NAV1: variants seen among roughly 807,000 people sequenced by gnomAD.
NAV1 encodes pore membrane and/or filament interacting like protein 3.
In NAV1, 18 loss-of-function variants were observed where a neutral mutation model predicts 175.2. That is an observed-to-expected ratio of 0.10 (90% confidence interval 0.07 to 0.15). The LOEUF (loss-of-function observed/expected upper bound fraction) is 0.15. Ranked by LOEUF, NAV1 falls within the 10% of genes least tolerant of loss-of-function variation. The pLI, the probability that NAV1 is intolerant of heterozygous loss-of-function variation, is 1.00. For missense variants in NAV1, 1,731 were observed against 2,436.6 expected (o/e 0.71, Z 6.10); for synonymous variants, 897 against 978.7 (o/e 0.92, Z 1.56).
At chr1:201,617,957 A>G (rs867775021), upstream of NAV1, among the ~76,000 whole-genome samples, 42 of 152,278 alleles carry the variant, frequency 2.8e-4, 1 homozygote, top group Middle Eastern at 0.014. Context: ...CAGAGCAAGC[A>G]TGATGTCTCC....
intron 1 of NAV1, among the ~76,000 whole-genome samples, chr1:201,574,757 G>T (rs1324490158): frequency 6.6e-6 from 1 of 152,162 alleles, no homozygotes; most frequent in Non-Finnish European, 1.5e-5. Context: ...TACCACCACC[G>T]TCACCAGCGT....
At chr1:201,611,933 T>C (rs1354683223) in intron 2 of NAV1, among the ~76,000 whole-genome samples, 1 of 151,736 alleles carries the variant, frequency 6.6e-6, no homozygotes, top group Non-Finnish European at 1.5e-5. Context: ...TGAGTGTGAG[T>C]TGCATGTATG....
At chr1:201,780,395 T>C (rs1396525877) in intron 3 of NAV1, 26 bp from the exon 8 acceptor site, 2 of 1,613,300 alleles carry the variant, frequency 1.2e-6, no homozygotes, top group African/African-American at 2.7e-5. Flanking sequence ...TTTTAACGAT[T>C]GACCTTCATC....
At chr1:201,541,820 C>A (rs1382711729) in intron 1 of NAV1, among the ~76,000 whole-genome samples, 1 of 152,126 alleles carries the variant, frequency 6.6e-6, no homozygotes, top group East Asian at 1.9e-4. Flanking sequence ...AATCTAGCCC[C>A]CTCCTGAGTC....
intron 15 of NAV1, chr1:201,795,431 C>T (rs1002483477): frequency 2.6e-5 from 4 of 152,160 alleles, no homozygotes; most frequent in African/African-American, 9.7e-5. Flanking sequence ...CTTTAGCAAC[C>T]ATACAACCCC....
At chr1:201,669,102 G>T (rs1669941702) in intron 1 of NAV1, among the ~76,000 whole-genome samples, 1 of 152,202 alleles carries the variant, frequency 6.6e-6, no homozygotes, top group African/African-American at 2.4e-5. Flanking sequence ...ATGGCATGGG[G>T]ATCCTCAACA....
At chr1:201,758,102 G>A (rs1472079442) in intron 3 of NAV1, among the ~76,000 whole-genome samples, 1 of 152,192 alleles carries the variant, frequency 6.6e-6, no homozygotes, top group Non-Finnish European at 1.5e-5. Flanking sequence ...CCCACGAGTT[G>A]CATAGACTTC....
rs565627764 is a variant in NAV1 at position 201,817,667 on chromosome 1, A to G, written c.5538+382A>G. ...ATAATAGTGCATCCCAGCAAGATGT[A>G]TTCTAGCAAAGACCCAAGTCTCAGG... On this transcript the variant is annotated intron_variant, in intron 29 of 29. Coordinates refer to ENST00000367296, the Ensembl canonical transcript of NAV1. 4.6e-5 allele frequency among the ~76,000 whole-genome samples: 7 copies of G among 152,288 alleles called. No homozygotes were observed. In the East Asian group the frequency reaches 7.7e-4, roughly 17 times the overall value.
chr1:201,825,160 C>A (rs1167391881), exon 30 of NAV1: 1 of 152,070 alleles, frequency 6.6e-6, no homozygotes, highest in Non-Finnish European at 1.5e-5. Flanking sequence ...TTGTGTCTTT[C>A]CTAGTTGAAT....
At chr1:201,796,116 A>G (rs1013944941) in intron 15 of NAV1, 1 of 152,168 alleles carries the variant, frequency 6.6e-6, no homozygotes, top group African/African-American at 2.4e-5. Context: ...CCTATTATGA[A>G]TAATGCTGCC....
intron 15 of NAV1, among the ~76,000 whole-genome samples, chr1:201,802,270 A>C (rs150166208): frequency 0.018 from 2,364 of 132,060 alleles, 76 homozygotes; most frequent in African/African-American, 0.063. Flanking sequence ...GCACCACCGC[A>C]CTCTAGCCTG....
rs890363550 is a variant in NAV1, at chr1:201,702,712, C to T, written c.758-10105C>T. On this transcript the variant is annotated intron_variant, in intron 1 of 29. Coordinates refer to ENST00000367296, the Ensembl canonical transcript of NAV1. ...TCTCTCTCTCTCTCTCTCTCTCTCT[C>T]TCTCTCTCTCTCTCTCTCTCCCCAT... Among the ~76,000 whole-genome samples the T allele has an allele frequency of 2.7e-4, 41 of 151,740 alleles. 2 individuals carry two copies. The highest frequency in any genetic ancestry group is 6.3e-4 in the South Asian group (3 of 4,788).
intron 3 of NAV1, among the ~76,000 whole-genome samples, chr1:201,742,501 C>T (rs540194933): frequency 1.3e-5 from 2 of 152,302 alleles, no homozygotes; most frequent in African/African-American, 4.8e-5. Flanking sequence ...TTGCGTATCT[C>T]AAACATTATG....
At chr1:201,696,843 A>C (rs1395051659) in intron 1 of NAV1, among the ~76,000 whole-genome samples, 2 of 152,224 alleles carry the variant, frequency 1.3e-5, no homozygotes, top group African/African-American at 4.8e-5. Flanking sequence ...CGGAGTACTC[A>C]TACTTACCTC....
intron 1 of NAV1, among the ~76,000 whole-genome samples, chr1:201,552,603 A>G (rs1360588081): frequency 1.3e-5 from 2 of 152,162 alleles, no homozygotes; most frequent in African/African-American, 4.8e-5. Context: ...AATGGGGGCA[A>G]TAATACTCAG....
At chr1:201,549,073 TTTTCTCTTTCTTTC>T (rs1247146829) in intron 1 of NAV1, among the ~76,000 whole-genome samples, 4 of 148,784 alleles carry the variant, frequency 2.7e-5, no homozygotes, top group African/African-American at 9.9e-5. Flanking sequence ...GATATTCTAG[TTTTCTCTTTCTTTC>T]TTTCTTTCTT....
At chr1:201,621,332 CTTT>C (rs11422175), upstream of NAV1, among the ~76,000 whole-genome samples, 3 of 118,890 alleles carry the variant, frequency 2.5e-5, no homozygotes, top group African/African-American at 6.5e-5. Context: ...TCTTTTCTTT[CTTT>C]TTTTTTTTTT....
chr1:201,583,888 T>A (rs1177581198), intron 1 of NAV1, among the ~76,000 whole-genome samples: 1 of 152,224 alleles, frequency 6.6e-6, no homozygotes, highest in Admixed American at 6.5e-5. Context: ...CAGGGAAACT[T>A]GGATTGAGTA....
intron 15 of NAV1, among the ~76,000 whole-genome samples, chr1:201,800,178 T>C (rs1454937620): frequency 6.6e-6 from 1 of 151,940 alleles, no homozygotes; most frequent in Non-Finnish European, 1.5e-5. Flanking sequence ...TTTTTGTATT[T>C]TTAGTAGAGA....
Sources: allele counts gnomAD v4.1 joint callset (sites outside exome capture counted in the v4.1 genomes callset), GRCh38; gene constraint gnomAD v4.1.1; transcripts MANE v1.5; gene names NCBI Gene and HGNC (gene_info 2026-07-23, HGNC 2026-07-21).